The following FXR1 variants were observed in gnomAD, a reference collection of about 807,000 sequenced individuals.
FXR1 encodes the protein FMR1 autosomal homolog 1.
In FXR1, 15 loss-of-function variants were observed where a neutral mutation model predicts 84.0. The observed-to-expected ratio is 0.18, with a 90% CI of 0.12 to 0.27. FXR1 has a LOEUF of 0.27. Among genes scored for constraint, FXR1 ranks in the 10% least tolerant of loss-of-function variants. The pLI, the probability that FXR1 is intolerant of heterozygous loss-of-function variation, is 1.00. For missense variants in FXR1, 480 were observed against 774.4 expected, an observed-to-expected ratio of 0.62 and a Z score of 4.51; for synonymous variants, 245 against 250.7, an observed-to-expected ratio of 0.98 and a Z score of 0.21.
chr3:180,961,391 G>A, intron 10 of FXR1, 77 bp from the exon 11 acceptor site: 1 of 498,764 alleles, frequency 2.0e-6, no homozygotes, highest in Non-Finnish European at 3.6e-6. Context: ...GTGCCTGCCT[G>A]TCAGTTTCAT....
intron 10 of FXR1, 126 bp from the exon 11 acceptor site, chr3:180,961,339 CAAA>C: frequency 6.9e-6 from 2 of 290,964 alleles, no homozygotes; most frequent in Non-Finnish European, 1.2e-5. Context: ...GACGTCATCT[CAAA>C]AAAAAAAAAA....
chr3:180,975,428 T>G (rs776149317), intron 16 of FXR1, 24 bp downstream of exon 16: 5 of 296,938 alleles, frequency 1.7e-5, no homozygotes, highest in East Asian at 9.6e-5. Flanking sequence ...AACCTGTAGG[T>G]TTTTTTTTTT....
chr3:180,929,847 G>C (rs1415856163), intron 1 of FXR1, among the ~76,000 whole-genome samples: 1 of 152,214 alleles, frequency 6.6e-6, no homozygotes, highest in Non-Finnish European at 1.5e-5. Flanking sequence ...TTTAGGACTT[G>C]GGGATTAGAT....
chr3:180,967,083 C>G (rs537437114), intron 13 of FXR1, among the ~76,000 whole-genome samples: 1 of 152,294 alleles, frequency 6.6e-6, no homozygotes, highest in East Asian at 1.9e-4. Flanking sequence ...GGCTTCAGTT[C>G]TGTTGTCAGG....
At position 180,948,745 on chromosome 3, in the gene FXR1, A is replaced by G. The variant is rs775172243; in HGVS notation, c.444A>G (p.Lys148=). The G allele has an allele frequency of 1.5e-5, 24 of 1,575,436 alleles. No individual in the cohort carries two copies. The highest frequency in any genetic ancestry group is 5.2e-6 in the Non-Finnish European group (6 of 1,145,124). ...REACANENAH[K]DFKKAVGACR... ...GGTGTGCTAATGAAAATGCACATAA[A>G]GATTTTAAGAAAGCAGTAGGAGCAT... Residue 148 remains lysine (K), a synonymous_variant, in exon 6 of 17, where the codon AAA becomes AAG. Transcript: ENST00000357559.
intron 1 of FXR1, among the ~76,000 whole-genome samples, chr3:180,928,338 A>G (rs537740670): frequency 2.6e-5 from 4 of 152,024 alleles, no homozygotes; most frequent in South Asian, 4.2e-4. Flanking sequence ...TTTGGTAAGT[A>G]TAGAGTGTTA....
At chr3:180,958,556 C>T (rs1291241265) in intron 10 of FXR1, among the ~76,000 whole-genome samples, 1 of 152,128 alleles carries the variant, frequency 6.6e-6, no homozygotes, top group Non-Finnish European at 1.5e-5. Flanking sequence ...CTGCAAAAGA[C>T]ATTATTTTGT....
chr3:180,976,021 T>C, intron 16 of FXR1, 101 bp from the exon 17 acceptor site: 4 of 855,378 alleles, frequency 4.7e-6, no homozygotes, highest in Non-Finnish European at 7.3e-6. Context: ...TATATAAAAC[T>C]GAAATTTTTA....
intron 13 of FXR1, among the ~76,000 whole-genome samples, chr3:180,966,514 T>C (rs1712850763): frequency 6.6e-6 from 1 of 152,218 alleles, no homozygotes; most frequent in Admixed American, 6.5e-5. Context: ...TATAGGGAAC[T>C]TCAAGGTATT....
At chr3:180,958,385 C>G (rs982295267) in intron 10 of FXR1, among the ~76,000 whole-genome samples, 3 of 152,064 alleles carry the variant, frequency 2.0e-5, no homozygotes, top group South Asian at 2.1e-4. Flanking sequence ...CTCTCACCCC[C>G]CTCCCAACCT....
At chr3:180,952,733 G>C (rs1050514353) in intron 8 of FXR1, among the ~76,000 whole-genome samples, 4 of 151,632 alleles carry the variant, frequency 2.6e-5, no homozygotes, top group Non-Finnish European at 4.4e-5. Flanking sequence ...AGGATTAGAT[G>C]CATTGTAAAA....
At chr3:180,947,741 C>T in intron 3 of FXR1, 124 bp from the exon 4 acceptor site, 2 of 471,970 alleles carry the variant, frequency 4.2e-6, no homozygotes, top group Non-Finnish European at 3.8e-6. Context: ...ATTTAATATG[C>T]CAATTTAAAT....
intron 1 of FXR1, among the ~76,000 whole-genome samples, chr3:180,926,757 C>A (rs971076242): frequency 1.3e-5 from 2 of 151,712 alleles, no homozygotes; most frequent in Non-Finnish European, 2.9e-5. Flanking sequence ...AGTTTGTTTA[C>A]TCCTTTATAA....
chr3:180,932,367 A>G (rs1383239071), intron 1 of FXR1, among the ~76,000 whole-genome samples: 1 of 152,234 alleles, frequency 6.6e-6, no homozygotes, highest in Non-Finnish European at 1.5e-5. Flanking sequence ...TTTGACTAAC[A>G]TTCAGTAATT....
rs1470982884 is a variant in FXR1, at chr3:180,977,095, G to A, written c.*803G>A. 2.1e-5 allele frequency: 3 copies of A among 143,650 alleles called. No homozygotes were observed. Among genetic ancestry groups the A allele is most frequent in the East Asian group, 2.0e-4 (1 of 5,000 alleles). The allele number at this position is 143,650 out of a possible 1,614,324, so 8.9% of individuals were successfully genotyped here. ...TTTTCCTTTTTTTTTTTTTTATTTC[G>A]GTTGTTTGATGTGCAATATGTTTTT... On this transcript the variant is annotated 3_prime_UTR_variant, in exon 17 of 17. Transcript: ENST00000357559.
At chr3:180,933,299 TA>T (rs1364181150) in intron 1 of FXR1, 34 bp from the exon 2 acceptor site, 1 of 1,276,540 alleles carries the variant, frequency 7.8e-7, no homozygotes, top group Admixed American at 1.7e-5. Context: ...AGTGCTTTAA[TA>T]TCTATGCTTT....
At chr3:180,914,636 TA>T (rs1717666626) in intron 1 of FXR1, 2 of 318,192 alleles carry the variant, frequency 6.3e-6, no homozygotes, top group Non-Finnish European at 9.1e-6. Context: ...TTTCTCACGG[TA>T]TTTTTTTTTT....
intron 3 of FXR1, 38 bp from the exon 4 acceptor site, chr3:180,947,827 T>C (rs1323035749): frequency 8.7e-7 from 1 of 1,150,260 alleles, no homozygotes; most frequent in Non-Finnish European, 1.3e-6. Context: ...TGAAATCTTT[T>C]GGGATGAATG....
chr3:180,924,811 C>T (rs1198042416), intron 1 of FXR1, among the ~76,000 whole-genome samples: 2 of 151,962 alleles, frequency 1.3e-5, no homozygotes, highest in Non-Finnish European at 1.5e-5. Flanking sequence ...TTTCATTATA[C>T]CTAAAACAGC....
Sources: gnomAD v4.1 joint callset for allele counts (sites outside exome capture counted in the v4.1 genomes callset) on GRCh38, gnomAD v4.1.1 for gene constraint, MANE v1.5 for transcripts, NCBI Gene and HGNC (gene_info 2026-07-23, HGNC 2026-07-21) for gene names.